SCAMP1: variants seen among roughly 807,000 people sequenced by gnomAD.
The protein encoded by SCAMP1 is secretory carrier-associated membrane protein 1.
In SCAMP1, 15 loss-of-function variants were observed where a neutral mutation model predicts 41.8. The observed-to-expected ratio is 0.36, with a 90% CI of 0.24 to 0.55. SCAMP1 has a LOEUF of 0.55. SCAMP1 is among the 20% of genes least tolerant of loss of function. The pLI is 0.86. For missense variants in SCAMP1, 341 were observed against 412.6 expected, an observed-to-expected ratio of 0.83 and a Z score of 1.50; for synonymous variants, 135 against 136.8, an observed-to-expected ratio of 0.99 and a Z score of 0.09.
chr5:78,437,472 A>T (rs1190628301), intron 6 of SCAMP1, among the ~76,000 whole-genome samples: 2 of 152,192 alleles, frequency 1.3e-5, no homozygotes, highest in Admixed American at 1.3e-4. Context: ...TGAGATAATC[A>T]TGTGGTTTTT....
At chr5:78,447,892 C>T (rs1301908793) in intron 6 of SCAMP1, among the ~76,000 whole-genome samples, 7 of 90,540 alleles carry the variant, frequency 7.7e-5, no homozygotes, top group Non-Finnish European at 1.6e-4. Context: ...CCTCCCCCTT[C>T]TCCCTCCTCC....
chr5:78,368,843 A>G (rs979375526), intron 1 of SCAMP1, among the ~76,000 whole-genome samples: 2 of 152,146 alleles, frequency 1.3e-5, no homozygotes, highest in African/African-American at 4.8e-5. Flanking sequence ...TTGTTGCTTT[A>G]GAAAAAGAAT....
chr5:78,382,622 T>C (rs1219196309), intron 1 of SCAMP1, among the ~76,000 whole-genome samples: 1 of 152,168 alleles, frequency 6.6e-6, no homozygotes, highest in Non-Finnish European at 1.5e-5. Flanking sequence ...TCTTATGCCT[T>C]TGTGTCCTCA....
intron 2 of SCAMP1, among the ~76,000 whole-genome samples, chr5:78,400,280 T>C (rs950477392): frequency 6.6e-6 from 1 of 152,248 alleles, no homozygotes; most frequent in African/African-American, 2.4e-5. Flanking sequence ...TACTTTATAG[T>C]AAGTGAACTC....
chr5:78,388,511 A>G (rs1751403843), intron 1 of SCAMP1, among the ~76,000 whole-genome samples: 1 of 152,234 alleles, frequency 6.6e-6, no homozygotes, highest in Non-Finnish European at 1.5e-5. Context: ...GCCAAAGGAA[A>G]TGATGGTGGG....
At chr5:78,374,835 C>T (rs958761690) in intron 1 of SCAMP1, among the ~76,000 whole-genome samples, 11 of 151,918 alleles carry the variant, frequency 7.2e-5, no homozygotes, top group African/African-American at 2.7e-4. Context: ...CTGTTACGAC[C>T]CTTGCCATGA....
intron 6 of SCAMP1, 77 bp downstream of exon 6, chr5:78,422,037 A>G: frequency 8.0e-7 from 1 of 1,243,190 alleles, no homozygotes; most frequent in Non-Finnish European, 1.1e-6. Flanking sequence ...TAAAGGGAAA[A>G]TTGATGCATT....
At position 78,379,145 on chromosome 5, in the gene SCAMP1, A is replaced by G. The variant is rs530830563; in HGVS notation, c.58-9692A>G. On this transcript the variant is annotated intron_variant, in intron 1 of 8. Coordinates refer to ENST00000621999, the MANE Select transcript of SCAMP1 (RefSeq NM_004866.6). Reference sequence around the variant, plus strand: ...TCCTAGTTTAATTTTTGTCTCAGACATGCACTAATTGATCTTAAGGAAGTT... The same window carrying G: ...TCCTAGTTTAATTTTTGTCTCAGACGTGCACTAATTGATCTTAAGGAAGTT... 3.3e-5 allele frequency among the ~76,000 whole-genome samples: 5 copies of G among 152,342 alleles called. No homozygotes were observed. The East Asian group carries it at 7.7e-4, about 23-fold the overall frequency.
chr5:78,474,944 T>C (rs1753970833), intron 8 of SCAMP1, among the ~76,000 whole-genome samples: 1 of 152,192 alleles, frequency 6.6e-6, no homozygotes, highest in Admixed American at 6.5e-5. Context: ...TCTTTGTGCA[T>C]TCTTTAGGAC....
intron 6 of SCAMP1, among the ~76,000 whole-genome samples, chr5:78,423,848 C>CTTT (rs5868920): frequency 3.4e-5 from 5 of 146,610 alleles, no homozygotes; most frequent in African/African-American, 7.5e-5. Context: ...GAGAGGAATA[C>CTTT]TTTTTTTTTT....
At chr5:78,467,522 T>C (rs1415965416) in intron 8 of SCAMP1, among the ~76,000 whole-genome samples, 2 of 152,210 alleles carry the variant, frequency 1.3e-5, no homozygotes, top group Non-Finnish European at 2.9e-5. Context: ...TGAAAAGAAA[T>C]ATGACTTTCT....
At chr5:78,406,118 G>A (rs1321742935) in intron 2 of SCAMP1, among the ~76,000 whole-genome samples, 8 of 152,184 alleles carry the variant, frequency 5.3e-5, no homozygotes, top group Non-Finnish European at 1.2e-4. Flanking sequence ...TATAGAAGCT[G>A]TAAACTTTGT....
At chr5:78,444,396 T>C (rs970125076) in intron 6 of SCAMP1, among the ~76,000 whole-genome samples, 1 of 152,170 alleles carries the variant, frequency 6.6e-6, no homozygotes, top group African/African-American at 2.4e-5. Context: ...AGAGAGTGTG[T>C]GCAGGGGAAC....
rs866702262 is a variant in SCAMP1, at chr5:78,460,826, T to C, written c.852+1464T>C. 7.4e-3 allele frequency among the ~76,000 whole-genome samples: 366 copies of C among 49,566 alleles called. 46 individuals carry two copies. The highest frequency in any genetic ancestry group is 0.022 in the African/African-American group (337 of 15,652). 32.5% of individuals were successfully genotyped at this position (49,566 alleles called of 152,430 possible). ...CTTCCTCCCTTCCTTCCTTCCTTTC[T>C]TGTCTTTCCTCTATCTGTCTCTCTT... On this transcript the variant is annotated intron_variant, in intron 8 of 8. Transcript: ENST00000621999.
At chr5:78,387,991 G>C (rs991249499) in intron 1 of SCAMP1, among the ~76,000 whole-genome samples, 1 of 152,238 alleles carries the variant, frequency 6.6e-6, no homozygotes, top group Non-Finnish European at 1.5e-5. Context: ...CAGGACCATA[G>C]AGCTCCCAAG....
At chr5:78,407,640 T>TC (rs1431901569) in intron 2 of SCAMP1, among the ~76,000 whole-genome samples, 3 of 140,498 alleles carry the variant, frequency 2.1e-5, no homozygotes, top group East Asian at 2.0e-4. Context: ...TTTTTTTTTT[T>TC]CCCCTCTGGA....
intron 2 of SCAMP1, among the ~76,000 whole-genome samples, chr5:78,400,525 A>C (rs1043828386): frequency 6.6e-6 from 1 of 152,070 alleles, no homozygotes; most frequent in African/African-American, 2.4e-5. Flanking sequence ...TTCTTCTTTG[A>C]TTTCTTTCAT....
At chr5:78,417,788 A>G (rs568286613) in intron 4 of SCAMP1, among the ~76,000 whole-genome samples, 55 of 152,254 alleles carry the variant, frequency 3.6e-4, no homozygotes, top group African/African-American at 1.2e-3. Context: ...CTCAAATAGT[A>G]TGAGATTGGT....
intron 8 of SCAMP1, among the ~76,000 whole-genome samples, chr5:78,471,933 A>T (rs1423362176): frequency 1.3e-5 from 2 of 152,122 alleles, no homozygotes; most frequent in Non-Finnish European, 2.9e-5. Context: ...GAATTAGTAT[A>T]TACCAAATTT....
Sources: allele counts gnomAD v4.1 joint callset (sites outside exome capture counted in the v4.1 genomes callset), GRCh38; gene constraint gnomAD v4.1.1; transcripts MANE v1.5; gene names NCBI Gene and HGNC (gene_info 2026-07-23, HGNC 2026-07-21).